Variants in VPS13B observed in about 807,000 individuals in gnomAD.
The protein encoded by VPS13B is intermembrane lipid transfer protein VPS13B.
A neutral mutation model predicts 426.4 loss-of-function variants in VPS13B; 285 were observed. The observed-to-expected ratio is 0.67, with a 90% CI of 0.61 to 0.74. VPS13B has a LOEUF of 0.74. Ranked by LOEUF, VPS13B falls within the 30% of genes least tolerant of loss-of-function variation. The pLI, the probability that VPS13B is intolerant of heterozygous loss-of-function variation, is 0.00. For missense variants in VPS13B, 4,537 were observed against 4,782.6 expected (o/e 0.95, Z 1.51); for synonymous variants, 1,676 against 1,676.4 (o/e 1.00, Z 0.01).
chr8:99,056,587 C>T (rs1843879592), intron 3 of VPS13B, among the ~76,000 whole-genome samples: 1 of 152,172 alleles, frequency 6.6e-6, no homozygotes, highest in African/African-American at 2.4e-5. Context: ...AATGGGCATC[C>T]TTGTCTTGTT....
intron 37 of VPS13B, among the ~76,000 whole-genome samples, chr8:99,718,691 G>C (rs553338049): frequency 4.0e-5 from 6 of 148,474 alleles, no homozygotes; most frequent in Non-Finnish European, 8.9e-5. Flanking sequence ...TTTTGAGACA[G>C]AATCTCATTT....
chr8:99,134,934 A>T lies in VPS13B; in HGVS notation c.1303-81A>T, dbSNP rs1200654910. 2.6e-6 allele frequency: 4 copies of T among 1,532,408 alleles called. No individual in the cohort carries two copies. The Admixed American group carries it at 6.9e-5, about 26-fold the overall frequency. The allele number at this position is 1,532,408 out of a possible 1,614,324, so 94.9% of individuals were successfully genotyped here. On this transcript the variant is annotated intron_variant, in intron 9 of 61. Transcript: ENST00000357162. Reference sequence around the variant, plus strand: ...ACATAATTCTAAAGATGTTTAACTAATTTAGAGATTCTACAAGGAAAGCCT... The same window carrying T: ...ACATAATTCTAAAGATGTTTAACTATTTTAGAGATTCTACAAGGAAAGCCT...
At chr8:99,340,376 A>G (rs1811175639) in intron 19 of VPS13B, 2 of 415,436 alleles carry the variant, frequency 4.8e-6, no homozygotes, top group African/African-American at 2.1e-5. Context: ...AACTCTGGGA[A>G]GAAATCATCA....
chr8:99,330,825 C>CT (rs907946419), intron 19 of VPS13B, among the ~76,000 whole-genome samples: 1 of 151,464 alleles, frequency 6.6e-6, no homozygotes, highest in Non-Finnish European at 1.5e-5. Context: ...CCCATGGTAA[C>CT]TTTTTTTTCA....
chr8:99,210,395 C>T (rs889347291), intron 17 of VPS13B, among the ~76,000 whole-genome samples: 1 of 152,182 alleles, frequency 6.6e-6, no homozygotes, highest in Admixed American at 6.5e-5. Context: ...TTCTGTGGCA[C>T]TCTGCAGTAT....
At chr8:99,598,406 A>G (rs1827122231) in intron 33 of VPS13B, among the ~76,000 whole-genome samples, 1 of 152,026 alleles carries the variant, frequency 6.6e-6, no homozygotes, top group Non-Finnish European at 1.5e-5. Flanking sequence ...GATTATATAG[A>G]AGGGCGAGAG....
At chr8:99,556,957 A>G (rs1407426237) in intron 31 of VPS13B, among the ~76,000 whole-genome samples, 1 of 145,228 alleles carries the variant, frequency 6.9e-6, no homozygotes, top group African/African-American at 2.5e-5. Flanking sequence ...CTTAAAATCT[A>G]TTGTATTTGG....
chr8:99,490,673 T>G (rs1563758100), intron 25 of VPS13B, among the ~76,000 whole-genome samples: 1 of 152,224 alleles, frequency 6.6e-6, no homozygotes, highest in Non-Finnish European at 1.5e-5. Flanking sequence ...TTCTAGATTT[T>G]CTAATTTATT....
At chr8:99,708,802 A>G (rs1342813867) in intron 36 of VPS13B, among the ~76,000 whole-genome samples, 1 of 151,580 alleles carries the variant, frequency 6.6e-6, no homozygotes, top group Non-Finnish European at 1.5e-5. Flanking sequence ...TTAGTTTACC[A>G]TATTAATAGG....
intron 49 of VPS13B, among the ~76,000 whole-genome samples, 187 bp downstream of exon 49, chr8:99,820,309 C>T (rs796406598): frequency 1.8e-4 from 28 of 151,800 alleles, no homozygotes; most frequent in African/African-American, 6.5e-4. Context: ...TTTTAACCAT[C>T]AACACTATTG....
chr8:99,141,950 G>A (rs1810450880), intron 12 of VPS13B, among the ~76,000 whole-genome samples: 1 of 151,748 alleles, frequency 6.6e-6, no homozygotes, highest in African/African-American at 2.4e-5. Flanking sequence ...CTACTCGGGA[G>A]GCTGAGGCAG....
chr8:99,349,727 C>T (rs927452920), intron 19 of VPS13B, among the ~76,000 whole-genome samples: 7 of 151,992 alleles, frequency 4.6e-5, no homozygotes, highest in Admixed American at 2.0e-4. Flanking sequence ...AAAAAGTCTT[C>T]GAGAATATGC....
rs117811467 is a variant in VPS13B, at chr8:99,253,328, A to G, written c.2516-20870A>G. Among the ~76,000 whole-genome samples the G allele has an allele frequency of 7.3e-4, 111 of 152,182 alleles. 1 individual carries two copies. In the East Asian group the frequency reaches 0.02, roughly 28 times the overall value. On this transcript the variant is annotated intron_variant, in intron 17 of 61. Transcript: ENST00000357162. ...TATATAAGCTTTTGTGTGGACATAT[A>G]TGTTCAGTTCTCTTGGTTATCTACA...
intron 3 of VPS13B, among the ~76,000 whole-genome samples, chr8:99,063,931 C>T (rs989042273): frequency 7.9e-5 from 12 of 152,178 alleles, no homozygotes; most frequent in South Asian, 2.1e-4. Context: ...TGCAGCCCTT[C>T]GCTGGTGATA....
chr8:99,717,042 G>A lies in VPS13B; in HGVS notation c.6455-129G>A, dbSNP rs570378161. 29 of 863,056 alleles carry A rather than the reference G, an allele frequency of 3.4e-5. No homozygotes were observed. In the African/African-American group the frequency reaches 3.7e-4, roughly 11 times the overall value. 53.5% of individuals were successfully genotyped at this position (863,056 alleles called of 1,614,324 possible). A position where few individuals can be genotyped will look rare whatever the true frequency, so the allele number is the denominator to read the frequency against. ...TGTATAAACGGCATGAAACGGTGGT[G>A]GACTGCCAACCAAGCAAGACGACTC... On this transcript the variant is annotated intron_variant, in intron 36 of 61. Coordinates refer to ENST00000357162, the MANE Select transcript of VPS13B (RefSeq NM_152564.5).
intron 3 of VPS13B, among the ~76,000 whole-genome samples, chr8:99,067,903 G>A (rs1210492512): frequency 6.6e-6 from 1 of 152,066 alleles, no homozygotes; most frequent in Non-Finnish European, 1.5e-5. Context: ...AATTATATGT[G>A]ATTATAAGAT....
At chr8:99,030,135 C>CTTTTTTTTTTT (rs58542671) in intron 2 of VPS13B, among the ~76,000 whole-genome samples, 4 of 75,742 alleles carry the variant, frequency 5.3e-5, no homozygotes, top group Non-Finnish European at 9.6e-5. Context: ...AAAATACATG[C>CTTTTTTTTTTT]TTTTTTTTTT....
chr8:99,296,595 T>G (rs1467715836), intron 19 of VPS13B, among the ~76,000 whole-genome samples: 9 of 152,180 alleles, frequency 5.9e-5, no homozygotes, highest in Admixed American at 5.9e-4. Context: ...GCAAGGATGG[T>G]AATTGCTGTG....
At chr8:99,374,521 TATTG>T (rs998970023) in intron 19 of VPS13B, among the ~76,000 whole-genome samples, 6 of 152,240 alleles carry the variant, frequency 3.9e-5, no homozygotes, top group Admixed American at 1.3e-4. Context: ...GGGACTGGTG[TATTG>T]ATTGTTTCCT....
Sources: allele counts gnomAD v4.1 joint callset (sites outside exome capture counted in the v4.1 genomes callset), GRCh38; gene constraint gnomAD v4.1.1; transcripts MANE v1.5; gene names NCBI Gene and HGNC (gene_info 2026-07-23, HGNC 2026-07-21).